Variants in ZFHX4 observed in about 807,000 individuals in gnomAD.
ZFHX4 encodes the protein zinc finger homeobox 4.
In ZFHX4, 56 loss-of-function variants were observed where a neutral mutation model predicts 267.6. The ratio of observed to expected loss-of-function variants is 0.21; its 90% CI spans 0.17 to 0.26. The LOEUF (loss-of-function observed/expected upper bound fraction) is 0.26. ZFHX4 is among the 10% of genes least tolerant of loss of function. The pLI, the probability that ZFHX4 is intolerant of heterozygous loss-of-function variation, is 1.00. For missense variants in ZFHX4, 4,332 were observed against 4,420.0 expected (o/e 0.98, Z 0.56); for synonymous variants, 1,778 against 1,665.6 (o/e 1.07, Z -1.64).
intron 3 of ZFHX4, among the ~76,000 whole-genome samples, chr8:76,713,992 C>G (rs1808499755): frequency 2.0e-5 from 3 of 152,090 alleles, no homozygotes; most frequent in African/African-American, 7.2e-5. Flanking sequence ...TTGGCACCCC[C>G]ATTCATGTCA....
chr8:76,860,143 T>C (rs1363791726), intron 10 of ZFHX4, among the ~76,000 whole-genome samples: 1 of 152,140 alleles, frequency 6.6e-6, no homozygotes, highest in African/African-American at 2.4e-5. Flanking sequence ...CTATTTCTGG[T>C]TTTCTGGCTA....
chr8:76,855,980 T>C lies in ZFHX4; in HGVS notation c.9059T>C (p.Leu3020Ser). The C allele has an allele frequency of 1.9e-6, 3 of 1,613,966 alleles. No individual in the cohort carries two copies. Among genetic ancestry groups the C allele is most frequent in the Non-Finnish European group, 2.5e-6 (3 of 1,179,880 alleles). Residue 3020 changes from leucine to serine, a missense_variant, in exon 10 of 11, where the codon TTG becomes TCG. Physicochemically the swap from Leu to Ser is moderately radical, Grantham distance 145. This residue lies in a region of ZFHX4 where 1,648 missense variants were observed against 1,625.0 expected (regional missense o/e 1.01). Coordinates refer to ENST00000651372, the MANE Select transcript of ZFHX4 (RefSeq NM_024721.5). ...TLCGVKYSAR[L>S]SIRDHIFSKQ... ...TGCGGGGTGAAGTACTCTGCCCGCT[T>C]GTCCATCAGAGATCACATTTTCTCC...
intron 4 of ZFHX4, among the ~76,000 whole-genome samples, chr8:76,824,591 G>A (rs1383759054): frequency 6.6e-6 from 1 of 151,972 alleles, no homozygotes; most frequent in Non-Finnish European, 1.5e-5. Flanking sequence ...TTCATTTTTT[G>A]AGACAGGGTC....
chr8:76,716,492 A>G (rs1389056411), intron 3 of ZFHX4, among the ~76,000 whole-genome samples: 1 of 152,200 alleles, frequency 6.6e-6, no homozygotes, highest in African/African-American at 2.4e-5. Context: ...TATAGATAGT[A>G]AGAGGCTGGG....
At chr8:76,688,346 T>C (rs1237856998) in intron 1 of ZFHX4, among the ~76,000 whole-genome samples, 1 of 152,108 alleles carries the variant, frequency 6.6e-6, no homozygotes, top group Non-Finnish European at 1.5e-5. Flanking sequence ...ATCTGACTTT[T>C]GGCAATGTTA....
intron 3 of ZFHX4, among the ~76,000 whole-genome samples, chr8:76,774,694 A>T (rs995571559): frequency 6.6e-6 from 1 of 152,082 alleles, no homozygotes; most frequent in African/African-American, 2.4e-5. Context: ...AAAGAATATA[A>T]TTTTCCTGAC....
chr8:76,707,722 C>A lies in ZFHX4; in HGVS notation c.2767C>A (p.His923Asn). Residue 923 changes from histidine (H) to asparagine (N), a missense_variant, in exon 3 of 11, where the codon CAT becomes AAT. His to Asn is a moderately conservative substitution (Grantham distance 68, BLOSUM62 1). Coordinates refer to ENST00000651372, the MANE Select transcript of ZFHX4 (RefSeq NM_024721.5). ...TGACAGCCTGGAGGCCCTAAGTGTG[C>A]ATGTGAGCAGTGAGCGCTCTCTCCC... Reference protein sequence around the residue: ...TSDSLEALSVHVSSERSLPEE... With the variant: ...TSDSLEALSVNVSSERSLPEE... 1 of 1,613,812 alleles carries A rather than the reference C, an allele frequency of 6.2e-7. No individual in the cohort carries two copies. Among genetic ancestry groups the A allele is most frequent in the Non-Finnish European group, 8.5e-7 (1 of 1,179,854 alleles).
At chr8:76,744,874 T>C (rs900138960) in intron 3 of ZFHX4, among the ~76,000 whole-genome samples, 1 of 152,200 alleles carries the variant, frequency 6.6e-6, no homozygotes, top group Non-Finnish European at 1.5e-5. Context: ...CGTCCTGTGC[T>C]TTCCTAAACA....
At chr8:76,743,153 G>C (rs1364518813) in intron 3 of ZFHX4, among the ~76,000 whole-genome samples, 1 of 152,200 alleles carries the variant, frequency 6.6e-6, no homozygotes, top group African/African-American at 2.4e-5. Context: ...AGAATTAAGA[G>C]TAGAGAGTTT....
intron 1 of ZFHX4, among the ~76,000 whole-genome samples, chr8:76,689,212 A>G (rs1233655605): frequency 6.6e-6 from 1 of 152,168 alleles, no homozygotes; most frequent in Non-Finnish European, 1.5e-5. Flanking sequence ...AGGTATTTCC[A>G]TAAGAAAATG....
chr8:76,745,315 A>T (rs1809430501), intron 3 of ZFHX4, among the ~76,000 whole-genome samples: 1 of 152,212 alleles, frequency 6.6e-6, no homozygotes, highest in Non-Finnish European at 1.5e-5. Flanking sequence ...CTGTGCTCAC[A>T]GTAAAGCCCA....
Position 76,706,597 on chromosome 8 carries a change from G to A in ZFHX4, c.2509G>A (p.Glu837Lys), listed in dbSNP as rs771788395. 3.1e-6 allele frequency: 5 copies of A among 1,609,528 alleles called. No individual in the cohort carries two copies. The African/African-American group carries it at 4.0e-5, about 13-fold the overall frequency. The change falls in exon 2 of 11, where the codon GAA becomes AAA. Residue 837 changes from glutamate (E) to lysine (K), a missense_variant. Physicochemically the swap from Glu to Lys is moderately conservative, Grantham distance 56 (BLOSUM62 1). Around this residue, in one of 7 missense-constraint regions of ZFHX4, gnomAD observed 1,195 missense variants for 1,173.6 expected, o/e 1.02. Transcript: ENST00000651372. ...CATAGGCCTGACCGGAATGAAGCTG[G>A]AAAACCCTGCCGACCCTCAGCTGAT... ...QNIGLTGMKLENPADPQLMIN... is the reference protein window; with the variant it reads ...QNIGLTGMKLKNPADPQLMIN...
intron 1 of ZFHX4, among the ~76,000 whole-genome samples, chr8:76,702,039 G>T (rs542394834): frequency 5.9e-5 from 9 of 152,050 alleles, no homozygotes; most frequent in Non-Finnish European, 1.2e-4. Flanking sequence ...CGTTATTTGT[G>T]CAGAATTGGC....
At chr8:76,748,844 G>A (rs1293831636) in intron 3 of ZFHX4, among the ~76,000 whole-genome samples, 1 of 152,034 alleles carries the variant, frequency 6.6e-6, no homozygotes, top group Non-Finnish European at 1.5e-5. Flanking sequence ...TTTATCCACT[G>A]TTTTTATTCC....
intron 3 of ZFHX4, among the ~76,000 whole-genome samples, chr8:76,755,732 A>G (rs980811396): frequency 4.6e-5 from 7 of 152,164 alleles, no homozygotes; most frequent in Non-Finnish European, 8.8e-5. Context: ...ATTATTAGTT[A>G]GTTGTATTTG....
intron 1 of ZFHX4, among the ~76,000 whole-genome samples, chr8:76,695,552 T>G (rs1223858483): frequency 6.6e-6 from 1 of 152,218 alleles, no homozygotes; most frequent in Non-Finnish European, 1.5e-5. Flanking sequence ...AGCTAAACTT[T>G]CTTTACAGAG....
intron 4 of ZFHX4, among the ~76,000 whole-genome samples, chr8:76,827,991 C>CTACAGG (rs1811832046): frequency 1.3e-5 from 2 of 152,180 alleles, no homozygotes; most frequent in African/African-American, 4.8e-5. Flanking sequence ...TGCTTGGTTA[C>CTACAGG]TCAAAACCAT....
chr8:76,861,426 A>G (rs1812864002), intron 10 of ZFHX4, among the ~76,000 whole-genome samples: 1 of 152,158 alleles, frequency 6.6e-6, no homozygotes, highest in South Asian at 2.1e-4. Flanking sequence ...CCCCATTGCC[A>G]TTAAGGATGT....
At chr8:76,802,729 T>C (rs1361922528) in intron 4 of ZFHX4, among the ~76,000 whole-genome samples, 1 of 152,160 alleles carries the variant, frequency 6.6e-6, no homozygotes, top group African/African-American at 2.4e-5. Context: ...CAGAAGGCTT[T>C]TGCAGTACTT....
Sources: allele counts gnomAD v4.1 joint callset (sites outside exome capture counted in the v4.1 genomes callset), GRCh38; gene constraint gnomAD v4.1.1; regional missense constraint gnomAD v4.1.1; transcripts MANE v1.5; gene names NCBI Gene and HGNC (gene_info 2026-07-23, HGNC 2026-07-21).